The following ZBTB7C variants were observed in gnomAD, a reference collection of about 807,000 sequenced individuals.
The protein encoded by ZBTB7C is zinc finger and BTB domain-containing protein 7C.
Under a neutral mutation model 25.7 loss-of-function variants are expected in ZBTB7C, and 8 were observed. The observed-to-expected ratio is 0.31, with a 90% CI of 0.18 to 0.56. The LOEUF (loss-of-function observed/expected upper bound fraction) is 0.56. Ranked by LOEUF, ZBTB7C falls within the 20% of genes least tolerant of loss-of-function variation. ZBTB7C has a pLI of 0.91. For synonymous variants in ZBTB7C, 394 were observed against 369.0 expected (o/e 1.07, Z -0.78); for missense variants, 824 against 855.2 (o/e 0.96, Z 0.46).
At chr18:48,031,041 A>G (rs968042095) in intron 4 of ZBTB7C, among the ~76,000 whole-genome samples, 1 of 152,180 alleles carries the variant, frequency 6.6e-6, no homozygotes, top group Non-Finnish European at 1.5e-5. Context: ...TGGGTGGAGC[A>G]TCTGCCTATA....
intron 3 of ZBTB7C, among the ~76,000 whole-genome samples, chr18:48,176,616 C>T (rs1471546354): frequency 2.7e-5 from 4 of 149,642 alleles, no homozygotes; most frequent in African/African-American, 7.4e-5. Flanking sequence ...AGGAAATACA[C>T]GTGTGTGTGT....
intron 3 of ZBTB7C, among the ~76,000 whole-genome samples, chr18:48,092,528 GA>G (rs1026480156): frequency 2.6e-5 from 4 of 152,352 alleles, no homozygotes; most frequent in African/African-American, 9.6e-5. Context: ...GTGTGGAGGA[GA>G]TAATACAATA....
chr18:48,123,251 A>T (rs1000071026), intron 3 of ZBTB7C, among the ~76,000 whole-genome samples: 2 of 152,260 alleles, frequency 1.3e-5, no homozygotes, highest in African/African-American at 4.8e-5. Context: ...TAGGAAGTTT[A>T]CAAACGAATG....
intron 3 of ZBTB7C, among the ~76,000 whole-genome samples, chr18:48,060,327 G>A (rs2037080251): frequency 6.6e-6 from 1 of 152,148 alleles, no homozygotes; most frequent in South Asian, 2.1e-4. Flanking sequence ...GCGGGGATGG[G>A]GATGGCCACC....
intron 2 of ZBTB7C, among the ~76,000 whole-genome samples, chr18:48,268,202 T>TA (rs1323027237): frequency 1.1e-4 from 17 of 152,334 alleles, no homozygotes; most frequent in African/African-American, 3.8e-4. Context: ...TTTTCATAAT[T>TA]ACAAGCACTT....
intron 2 of ZBTB7C, among the ~76,000 whole-genome samples, chr18:48,255,156 G>A (rs182979037): frequency 6.6e-6 from 1 of 152,252 alleles, no homozygotes; most frequent in African/African-American, 2.4e-5. Flanking sequence ...AATTCACAAT[G>A]TCTGACATCC....
intron 3 of ZBTB7C, among the ~76,000 whole-genome samples, chr18:48,117,029 C>T (rs1474086620): frequency 6.6e-6 from 1 of 152,090 alleles, no homozygotes; most frequent in Non-Finnish European, 1.5e-5. Context: ...TCATTTTTAC[C>T]TCTCCGGAGG....
At chr18:48,365,164 C>G (rs554645080) in intron 1 of ZBTB7C, among the ~76,000 whole-genome samples, 1 of 152,224 alleles carries the variant, frequency 6.6e-6, no homozygotes, top group Non-Finnish European at 1.5e-5. Flanking sequence ...TCCATCCCCA[C>G]CATTTTGGTT....
intron 3 of ZBTB7C, among the ~76,000 whole-genome samples, chr18:48,176,911 T>C (rs1482543880): frequency 6.6e-6 from 1 of 152,162 alleles, no homozygotes; most frequent in Non-Finnish European, 1.5e-5. Context: ...CTGGGTTCAG[T>C]GTGTGGCCTT....
chr18:48,333,696 T>G (rs2144925160), intron 2 of ZBTB7C, among the ~76,000 whole-genome samples: 1 of 152,304 alleles, frequency 6.6e-6, no homozygotes, highest in South Asian at 2.1e-4. Context: ...GTGACAGCCT[T>G]GAGAGCTTGG....
chr18:48,388,381 G>C (rs4940366), intron 1 of ZBTB7C, among the ~76,000 whole-genome samples: 1 of 151,876 alleles, frequency 6.6e-6, no homozygotes, highest in Non-Finnish European at 1.5e-5. Context: ...TGTTCCTTAA[G>C]GTCAGGAATT....
intron 4 of ZBTB7C, among the ~76,000 whole-genome samples, chr18:48,035,870 G>A (rs559869349): frequency 6.6e-6 from 1 of 152,378 alleles, no homozygotes; most frequent in Admixed American, 6.5e-5. Context: ...TCTTGGTCCA[G>A]ACTGCCTCTG....
chr18:48,118,819 T>C (rs1437301348), intron 3 of ZBTB7C, among the ~76,000 whole-genome samples: 1 of 152,194 alleles, frequency 6.6e-6, no homozygotes, highest in Non-Finnish European at 1.5e-5. Context: ...TTATACATAT[T>C]TTTTGCAAGG....
At chr18:48,168,514 A>C (rs1331642695) in intron 3 of ZBTB7C, among the ~76,000 whole-genome samples, 2 of 152,242 alleles carry the variant, frequency 1.3e-5, no homozygotes, top group Non-Finnish European at 2.9e-5. Context: ...GCTCCTATAC[A>C]TCAATAAGGA....
chr18:48,216,032 G>C (rs2042814947), intron 2 of ZBTB7C, among the ~76,000 whole-genome samples: 1 of 152,182 alleles, frequency 6.6e-6, no homozygotes, highest in Non-Finnish European at 1.5e-5. Flanking sequence ...AATTCCAAAA[G>C]GAGGAGAGTA....
At chr18:48,224,170 T>C (rs2043028798) in intron 2 of ZBTB7C, among the ~76,000 whole-genome samples, 1 of 152,248 alleles carries the variant, frequency 6.6e-6, no homozygotes, top group Non-Finnish European at 1.5e-5. Context: ...TCTCTGCTAC[T>C]AGCAGCTGAA....
chr18:48,255,770 A>G (rs927671510), intron 2 of ZBTB7C, among the ~76,000 whole-genome samples: 1 of 152,182 alleles, frequency 6.6e-6, no homozygotes, highest in Non-Finnish European at 1.5e-5. Context: ...CCAATTCTAG[A>G]TTGAAAATAA....
intron 2 of ZBTB7C, among the ~76,000 whole-genome samples, chr18:48,293,982 T>C (rs1044261242): frequency 6.6e-6 from 1 of 152,230 alleles, no homozygotes; most frequent in African/African-American, 2.4e-5. Context: ...TCAGGCCCGC[T>C]GTGGCCGTGT....
intron 3 of ZBTB7C, among the ~76,000 whole-genome samples, chr18:48,055,284 C>T (rs1438259049): frequency 1.3e-5 from 2 of 151,746 alleles, no homozygotes; most frequent in Non-Finnish European, 2.9e-5. Flanking sequence ...GTGGCAGGTG[C>T]ATATAATCCC....
Sources: allele counts gnomAD v4.1 joint callset (sites outside exome capture counted in the v4.1 genomes callset), GRCh38; gene constraint gnomAD v4.1.1; transcripts MANE v1.5; gene names NCBI Gene and HGNC (gene_info 2026-07-23, HGNC 2026-07-21).